The following PTPN1 variants were observed in gnomAD, a reference collection of about 807,000 sequenced individuals.
The protein encoded by PTPN1 is protein tyrosine phosphatase non-receptor type 1.
In PTPN1, 12 loss-of-function variants were observed where a neutral mutation model predicts 59.9. That is an observed-to-expected ratio of 0.20 (90% CI 0.13 to 0.32). The LOEUF (loss-of-function observed/expected upper bound fraction) is 0.32. Ranked by LOEUF, PTPN1 falls within the 10% of genes least tolerant of loss-of-function variation. The pLI, the probability that PTPN1 is intolerant of heterozygous loss-of-function variation, is 1.00. For missense variants in PTPN1, 356 were observed against 549.2 expected (o/e 0.65, Z 3.52); for synonymous variants, 178 against 203.6 (o/e 0.87, Z 1.07).
At position 50,510,411 on chromosome 20, in the gene PTPN1, G is replaced by C. The variant is rs979233024; in HGVS notation, c.-117G>C. Reference sequence around the variant, plus strand: ...AAGAAGCAGCAGCGGCTAGGGCGGCGGTAGCTGCAGGGGTCGGGGATTGCA... The same window carrying C: ...AAGAAGCAGCAGCGGCTAGGGCGGCCGTAGCTGCAGGGGTCGGGGATTGCA... On this transcript the variant is annotated 5_prime_UTR_variant, in exon 1 of 10. Coordinates refer to ENST00000371621, the MANE Select transcript of PTPN1 (RefSeq NM_002827.4). 10 of 1,116,856 alleles carry C rather than the reference G, an allele frequency of 9.0e-6. No individual in the cohort carries two copies. The African/African-American group carries it at 1.5e-4, about 16-fold the overall frequency. The allele number at this position is 1,116,856 out of a possible 1,614,324, so 69.2% of individuals were successfully genotyped here. A position where few individuals can be genotyped will look rare whatever the true frequency, so the allele number is the denominator to read the frequency against.
At chr20:50,555,211 A>G (rs2082720873) in intron 1 of PTPN1, among the ~76,000 whole-genome samples, 1 of 152,256 alleles carries the variant, frequency 6.6e-6, no homozygotes, top group Non-Finnish European at 1.5e-5. Flanking sequence ...ATTTCTAGCT[A>G]AACTGGCCAA....
chr20:50,553,246 A>AG (rs2082711414), intron 1 of PTPN1, among the ~76,000 whole-genome samples: 2 of 152,240 alleles, frequency 1.3e-5, no homozygotes, highest in Admixed American at 6.5e-5. Flanking sequence ...TGATAATAAA[A>AG]GCATTACCTT....
At chr20:50,575,297 G>A (rs1023991147) in intron 5 of PTPN1, among the ~76,000 whole-genome samples, 1 of 152,196 alleles carries the variant, frequency 6.6e-6, no homozygotes, top group Admixed American at 6.5e-5. Flanking sequence ...GCACCTGGGG[G>A]CACCAGTGAA....
At chr20:50,524,069 C>T (rs1387746751) in intron 1 of PTPN1, among the ~76,000 whole-genome samples, 1 of 152,190 alleles carries the variant, frequency 6.6e-6, no homozygotes, top group Admixed American at 6.5e-5. Flanking sequence ...TTCCTCTCTT[C>T]CTTTTCATGT....
At position 50,584,282 on chromosome 20, in the gene PTPN1, C is replaced by G. The variant is rs558214558; in HGVS notation, c.*1567C>G. 6.6e-6 allele frequency: 1 copy of G among 152,440 alleles called. No homozygotes were observed. Among genetic ancestry groups the G allele is most frequent in the African/African-American group, 2.4e-5 (1 of 41,434 alleles). The allele number at this position is 152,440 out of a possible 1,614,324, so 9.4% of individuals were successfully genotyped here. A position where few individuals can be genotyped will look rare whatever the true frequency, so the allele number is the denominator to read the frequency against. ...GAGCTATGGTGAGGTGTGGATAAGGCTTAGGTGCCAGGCTGTAAGCATTCT... is the reference window on the plus strand; with the variant it reads ...GAGCTATGGTGAGGTGTGGATAAGGGTTAGGTGCCAGGCTGTAAGCATTCT... On this transcript the variant is annotated 3_prime_UTR_variant, in exon 10 of 10. Transcript: ENST00000371621.
chr20:50,527,347 A>ATT (rs145100433), intron 1 of PTPN1, among the ~76,000 whole-genome samples: 30 of 146,580 alleles, frequency 2.0e-4, no homozygotes, highest in African/African-American at 5.7e-4. Context: ...CACTGAAATA[A>ATT]TTTTTTTTTT....
intron 8 of PTPN1, among the ~76,000 whole-genome samples, chr20:50,580,821 G>A (rs1419335271): frequency 6.6e-6 from 1 of 152,190 alleles, no homozygotes; most frequent in Non-Finnish European, 1.5e-5. Flanking sequence ...ATATAACCAG[G>A]GACCTGATCA....
Position 50,568,372 on chromosome 20 carries a change from C to T in PTPN1, c.256-8C>T, listed in dbSNP as rs1308365976. 9.3e-6 allele frequency: 15 copies of T among 1,612,706 alleles called. No individual in the cohort carries two copies. The highest frequency in any genetic ancestry group is 1.2e-5 in the Non-Finnish European group (14 of 1,178,730). ...GATGTCACATGTTGTGTTATTGTGT[C>T]TTTGCAGGGCCCTTTGCCTAACACA... is the stretch of plus-strand genomic sequence containing the variant. On this transcript the variant is annotated splice_region_variant and splice_polypyrimidine_tract_variant and intron_variant, in intron 3 of 9. Transcript: ENST00000371621. The surrounding 1 kb of genome is among the most constrained non-coding windows in gnomAD (Gnocchi z 5.6).
intron 5 of PTPN1, among the ~76,000 whole-genome samples, chr20:50,576,759 C>A (rs1485006404): frequency 6.6e-6 from 1 of 151,790 alleles, no homozygotes; most frequent in Non-Finnish European, 1.5e-5. Flanking sequence ...ACCTGTAATC[C>A]CAGCTACTCG....
At chr20:50,511,176 C>T (rs537530032) in intron 1 of PTPN1, among the ~76,000 whole-genome samples, 1 of 152,282 alleles carries the variant, frequency 6.6e-6, no homozygotes, top group Non-Finnish European at 1.5e-5. Flanking sequence ...GTGGTGTTTG[C>T]TAATCAGGAC....
Position 50,581,251 on chromosome 20 carries a change from C to A in PTPN1, c.1089-14C>A. 1 of 1,583,334 alleles carries A rather than the reference C, an allele frequency of 6.3e-7. No homozygotes were observed. The highest frequency in any genetic ancestry group is 8.6e-7 in the Non-Finnish European group (1 of 1,157,174). On this transcript the variant is annotated splice_polypyrimidine_tract_variant and intron_variant, in intron 8 of 9. Transcript: ENST00000371621. ...CCAAAGTGAGTAACCCATCTCTGCC[C>A]TCTGATTCCTCAGCATGAGTCAAGA...
intron 1 of PTPN1, among the ~76,000 whole-genome samples, chr20:50,526,901 G>GA (rs111546594): frequency 7.2e-5 from 11 of 151,770 alleles, no homozygotes; most frequent in African/African-American, 1.2e-4. Context: ...AGCGCTGCTG[G>GA]AAAAAAAATC....
chr20:50,532,585 A>G (rs544085267), intron 1 of PTPN1, among the ~76,000 whole-genome samples: 1 of 152,320 alleles, frequency 6.6e-6, no homozygotes, highest in South Asian at 2.1e-4. Flanking sequence ...TCTGCAATAT[A>G]CCTGCAGTAT....
chr20:50,579,632 A>C (rs1302601314), intron 7 of PTPN1, 71 bp from the exon 8 acceptor site: 4 of 1,377,166 alleles, frequency 2.9e-6, no homozygotes, highest in South Asian at 1.2e-5. Context: ...ACCTCTGCTC[A>C]TGCAAAGGGA....
rs2082876938 is a variant in PTPN1, at chr20:50,582,989, G to T, written c.*274G>T. On this transcript the variant is annotated 3_prime_UTR_variant, in exon 10 of 10. Coordinates refer to ENST00000371621, the MANE Select transcript of PTPN1 (RefSeq NM_002827.4). This position sits in a 1 kb window ranked among gnomAD's most constrained non-coding sequence, Gnocchi z 4.2. ...AGAGTACCATGCTGGCGGCGCAGAG[G>T]GAAGGGGCCTACACCCGTCTTGGGG... 3.8e-6 allele frequency: 2 copies of T among 526,186 alleles called. No individual in the cohort carries two copies. The highest frequency in any genetic ancestry group is 6.9e-6 in the Non-Finnish European group (2 of 290,998). The allele number at this position is 526,186 out of a possible 1,614,324, so 32.6% of individuals were successfully genotyped here.
At chr20:50,554,612 T>C in intron 1 of PTPN1, among the ~76,000 whole-genome samples, 1 of 151,824 alleles carries the variant, frequency 6.6e-6, no homozygotes, top group East Asian at 1.9e-4. Context: ...TTAAAATTTA[T>C]TTAAAGCAAA....
intron 1 of PTPN1, among the ~76,000 whole-genome samples, chr20:50,540,671 T>C (rs544794229): frequency 6.6e-6 from 1 of 152,156 alleles, no homozygotes; most frequent in South Asian, 2.1e-4. Context: ...AAAGGCAAAA[T>C]ATCCAGGAAA....
intron 1 of PTPN1, among the ~76,000 whole-genome samples, chr20:50,526,052 A>G (rs1191873774): frequency 6.6e-6 from 1 of 151,974 alleles, no homozygotes; most frequent in Non-Finnish European, 1.5e-5. Context: ...GGAGAGTGAA[A>G]ATGCCTGAGG....
chr20:50,569,158 A>G (rs2082794078), intron 4 of PTPN1, among the ~76,000 whole-genome samples: 1 of 152,110 alleles, frequency 6.6e-6, no homozygotes, highest in Non-Finnish European at 1.5e-5. Context: ...GCTTTCTCAA[A>G]TCCAAGTCTC....
Sources: allele counts gnomAD v4.1 joint callset (sites outside exome capture counted in the v4.1 genomes callset), GRCh38; gene constraint gnomAD v4.1.1; non-coding constraint Gnocchi (gnomAD v3.1); transcripts MANE v1.5; gene names NCBI Gene and HGNC (gene_info 2026-07-23, HGNC 2026-07-21).